HTR2C: variants seen among roughly 807,000 people sequenced by gnomAD.
HTR2C encodes 5-hydroxytryptamine (serotonin) receptor 2C, G protein-coupled.
HTR2C carries 5 observed loss-of-function variants against 21.0 expected under a neutral mutation model. The observed-to-expected ratio is 0.24, with a 90% CI of 0.12 to 0.50. The LOEUF is 0.50. Ranked by LOEUF, HTR2C falls within the 20% of genes least tolerant of loss-of-function variation. The probability of loss-of-function intolerance (pLI) is 0.98; values close to 1 mark genes in which losing one functional copy is unlikely to be tolerated. For synonymous variants in HTR2C, 150 were observed against 145.3 expected, an observed-to-expected ratio of 1.03 and a Z score of -0.23; for missense variants, 271 against 371.2, an observed-to-expected ratio of 0.73 and a Z score of 2.22.
intron 2 of HTR2C, among the ~76,000 whole-genome samples, chrX:114,622,495 G>A (rs782791497): frequency 1.6e-4 from 18 of 111,392 alleles, no homozygotes; most frequent in Non-Finnish European, 3.0e-4. Flanking sequence ...TTCCCATCTC[G>A]TTCTCACCCA....
At chrX:114,811,000 C>T (rs1471379606) in intron 4 of HTR2C, among the ~76,000 whole-genome samples, 2 of 110,924 alleles carry the variant, frequency 1.8e-5, no homozygotes, top group African/African-American at 6.6e-5. Flanking sequence ...AAATGTACAC[C>T]AATAAAATGG....
At position 114,806,382 on chromosome X, in the gene HTR2C, A is replaced by ATATATATACCATATATATACACAACT. The variant is rs1569495816; in HGVS notation, c.350-41613_350-41612insCCATATATATACACAACTTATATATA. On this transcript the variant is annotated intron_variant, in intron 4 of 5. Transcript: ENST00000276198. The stretch of plus-strand genomic sequence containing the variant: ...TATATATACCGTATATATACACACC[A>ATATATATACCATATATATACACAACT]TATATATATACTGTATATATATACA... Among the ~76,000 whole-genome samples, 204 of 4,548 alleles carry ATATATATACCATATATATACACAACT rather than the reference A, an allele frequency of 0.045. 25 individuals are homozygous for ATATATATACCATATATATACACAACT. In the East Asian group the frequency reaches 0.47, roughly 10 times the overall value. 3.9% of individuals were successfully genotyped at this position (4,548 alleles called of 115,157 possible).
At chrX:114,692,783 A>G (rs1932146337) in intron 2 of HTR2C, among the ~76,000 whole-genome samples, 1 of 111,940 alleles carries the variant, frequency 8.9e-6, no homozygotes, top group Admixed American at 9.6e-5. Flanking sequence ...GAATTAACAT[A>G]CCAAACGTTA....
At chrX:114,705,838 C>T (rs1449215665) in intron 2 of HTR2C, among the ~76,000 whole-genome samples, 7 of 77,433 alleles carry the variant, frequency 9.0e-5, no homozygotes, top group Non-Finnish European at 1.3e-4. Context: ...CCAGAATCTA[C>T]AATGAACTCA....
chrX:114,780,344 A>G (rs184354750), intron 4 of HTR2C, among the ~76,000 whole-genome samples: 1 of 111,578 alleles, frequency 9.0e-6, no homozygotes, highest in East Asian at 2.8e-4. Flanking sequence ...TTAGAGAGTA[A>G]AATCTATATG....
chrX:114,683,434 G>A (rs1931813748), intron 2 of HTR2C, among the ~76,000 whole-genome samples: 1 of 109,749 alleles, frequency 9.1e-6, no homozygotes, highest in Admixed American at 9.9e-5. Context: ...TTTCATCCTG[G>A]TATCGGGGGA....
chrX:114,739,040 T>C (rs1556424974), intron 4 of HTR2C, among the ~76,000 whole-genome samples: 1 of 110,900 alleles, frequency 9.0e-6, no homozygotes, highest in Non-Finnish European at 1.9e-5. Context: ...AATTTAAAAG[T>C]ATATGATTTA....
rs1440331915 is a variant in HTR2C, at chrX:114,673,101, A to T, written c.-79-53757A>T. 6.2e-5 allele frequency among the ~76,000 whole-genome samples: 7 copies of T among 112,129 alleles called. No homozygotes were observed. In the Admixed American group the frequency reaches 6.7e-4, roughly 11 times the overall value. The stretch of plus-strand genomic sequence containing the variant: ...CTCAGTTGTCAAATAGACAAACTTG[A>T]AAGCTATATGATAACTCTTAAGATT... On this transcript the variant is annotated intron_variant, in intron 2 of 5. Coordinates refer to ENST00000276198, the MANE Select transcript of HTR2C (RefSeq NM_000868.4).
chrX:114,841,460 G>A (rs1165536182), intron 4 of HTR2C, among the ~76,000 whole-genome samples: 1 of 112,163 alleles, frequency 8.9e-6, no homozygotes, highest in South Asian at 3.6e-4. Context: ...ACTTACTTGC[G>A]GCTGGGCGCA....
chrX:114,687,560 A>G (rs1399555282), intron 2 of HTR2C, among the ~76,000 whole-genome samples: 1 of 112,177 alleles, frequency 8.9e-6, no homozygotes, highest in African/African-American at 3.2e-5. Context: ...AAGATTAATT[A>G]AGATTATATT....
At chrX:114,599,362 C>T (rs1927994904) in intron 1 of HTR2C, among the ~76,000 whole-genome samples, 1 of 111,756 alleles carries the variant, frequency 8.9e-6, no homozygotes, top group African/African-American at 3.2e-5. Context: ...TTATGATAGC[C>T]TTTATTTCTT....
chrX:114,703,233 C>T (rs1479129478), intron 2 of HTR2C, among the ~76,000 whole-genome samples: 2 of 107,303 alleles, frequency 1.9e-5, no homozygotes, highest in African/African-American at 6.7e-5. Flanking sequence ...ACAGAACTCT[C>T]CACCCCAAAT....
At chrX:114,843,789 A>G (rs1556466385) in intron 4 of HTR2C, among the ~76,000 whole-genome samples, 2 of 111,902 alleles carry the variant, frequency 1.8e-5, no homozygotes, top group Non-Finnish European at 3.8e-5. Context: ...ATTTCTCTAC[A>G]GAGACCATGG....
intron 1 of HTR2C, among the ~76,000 whole-genome samples, chrX:114,608,969 T>C (rs1928599193): frequency 8.9e-6 from 1 of 112,090 alleles, no homozygotes; most frequent in South Asian, 3.6e-4. Context: ...GCCATCTGTT[T>C]CTTTTCTAAA....
At chrX:114,621,452 T>C (rs1929159108) in intron 2 of HTR2C, among the ~76,000 whole-genome samples, 1 of 111,998 alleles carries the variant, frequency 8.9e-6, no homozygotes, top group Admixed American at 9.5e-5. Flanking sequence ...TCCCATATCA[T>C]GACATATTAT....
chrX:114,645,151 A>G (rs1348143483), intron 2 of HTR2C, among the ~76,000 whole-genome samples: 1 of 110,902 alleles, frequency 9.0e-6, no homozygotes. Context: ...TCCCTATTCT[A>G]CTGAGTACTA....
chrX:114,644,407 A>C (rs2147828925), intron 2 of HTR2C, among the ~76,000 whole-genome samples: 2 of 76,044 alleles, frequency 2.6e-5, no homozygotes, highest in African/African-American at 1.0e-4. Flanking sequence ...ATATATATAT[A>C]TTTCTGAGAA....
intron 2 of HTR2C, among the ~76,000 whole-genome samples, chrX:114,692,971 G>A (rs992385866): frequency 1.5e-4 from 17 of 111,478 alleles, no homozygotes; most frequent in African/African-American, 5.5e-4. Flanking sequence ...GCTTGGGAAT[G>A]AAACCACGTG....
chrX:114,799,773 A>C (rs781896987), intron 4 of HTR2C, among the ~76,000 whole-genome samples: 1 of 110,852 alleles, frequency 9.0e-6, no homozygotes, highest in East Asian at 2.8e-4. Flanking sequence ...TTTTCAAGGA[A>C]TCATATAATT....
Sources: gnomAD v4.1 joint callset for allele counts (sites outside exome capture counted in the v4.1 genomes callset) on GRCh38, gnomAD v4.1.1 for gene constraint, MANE v1.5 for transcripts, NCBI Gene and HGNC (gene_info 2026-07-23, HGNC 2026-07-21) for gene names.